The following MTUS2 variants were observed in gnomAD, a reference collection of about 807,000 sequenced individuals.
MTUS2 encodes microtubule associated scaffold protein 2.
MTUS2 carries 40 observed loss-of-function variants against 114.1 expected under a neutral mutation model. That is an observed-to-expected ratio of 0.35 (90% CI 0.27 to 0.46). The LOEUF is 0.46. Ranked by LOEUF, MTUS2 falls within the 20% of genes least tolerant of loss-of-function variation. MTUS2 has a pLI of 1.00. For synonymous variants in MTUS2, 688 were observed against 672.0 expected, an observed-to-expected ratio of 1.02 and a Z score of -0.37; for missense variants, 1,679 against 1,705.4, an observed-to-expected ratio of 0.98 and a Z score of 0.27.
At chr13:29,150,234 C>A (rs574169278) in intron 5 of MTUS2, among the ~76,000 whole-genome samples, 1 of 152,104 alleles carries the variant, frequency 6.6e-6, no homozygotes, top group South Asian at 2.1e-4. Context: ...TCCTTCACTT[C>A]CCTTGTTAGC....
chr13:29,112,649 C>A (rs1179799174), intron 5 of MTUS2, among the ~76,000 whole-genome samples: 1 of 151,874 alleles, frequency 6.6e-6, no homozygotes, highest in Non-Finnish European at 1.5e-5. Context: ...GAGAAAGATC[C>A]AGTAACCAGG....
rs1208728910 is a variant in MTUS2 at position 28,880,712 on chromosome 13, C to T, written c.-243+40862C>T. ...ATACCAGATTTTGTTTTTCCATGTA[C>T]ATATTATTTTCCTTTTATTAAGTGT... On this transcript the variant is annotated intron_variant, in intron 2 of 15. Coordinates refer to ENST00000612955, the MANE Select transcript of MTUS2 (RefSeq NM_001033602.4). Among the ~76,000 whole-genome samples the T allele has an allele frequency of 3.8e-4, 58 of 152,060 alleles. 2 individuals carry two copies. The highest frequency in any genetic ancestry group is 3.7e-3 in the Admixed American group (57 of 15,256).
intron 4 of MTUS2, among the ~76,000 whole-genome samples, chr13:29,096,253 A>G (rs1593471586): frequency 6.6e-6 from 1 of 152,284 alleles, no homozygotes; most frequent in Non-Finnish European, 1.5e-5. Flanking sequence ...CAATCACACT[A>G]AGAATGTTTT....
intron 5 of MTUS2, among the ~76,000 whole-genome samples, chr13:29,134,480 A>G (rs914889509): frequency 2.0e-5 from 3 of 152,186 alleles, no homozygotes; most frequent in South Asian, 4.1e-4. Context: ...GTCTCCAACT[A>G]TTACTATAGA....
At chr13:29,017,722 A>G (rs2138446310) in intron 2 of MTUS2, among the ~76,000 whole-genome samples, 1 of 151,614 alleles carries the variant, frequency 6.6e-6, no homozygotes, top group East Asian at 1.9e-4. Flanking sequence ...AAAAACTCAC[A>G]TTGTAGTGAA....
intron 2 of MTUS2, among the ~76,000 whole-genome samples, chr13:28,898,861 G>A (rs1170479021): frequency 2.0e-5 from 3 of 152,134 alleles, no homozygotes; most frequent in African/African-American, 7.2e-5. Flanking sequence ...ATCATCTTTA[G>A]TTAAATGTGT....
At chr13:28,884,962 C>CTG (rs145175755) in intron 2 of MTUS2, among the ~76,000 whole-genome samples, 6,639 of 151,158 alleles carry the variant, frequency 0.044, 422 homozygotes, top group African/African-American at 0.14. Flanking sequence ...GCGTCCTCAC[C>CTG]TGTGTGTGTG....
chr13:29,178,586 G>T (rs888859188), intron 5 of MTUS2, among the ~76,000 whole-genome samples: 3 of 151,960 alleles, frequency 2.0e-5, no homozygotes, highest in African/African-American at 7.3e-5. Flanking sequence ...CAGCCCAGTT[G>T]TGACAGTCAA....
chr13:29,501,127 A>G lies in MTUS2; in HGVS notation c.3829A>G (p.Ile1277Val), dbSNP rs1332790858. 8.7e-6 allele frequency: 14 copies of G among 1,614,142 alleles called. No homozygotes were observed. The highest frequency in any genetic ancestry group is 1.2e-5 in the Non-Finnish European group (14 of 1,179,998). The change falls in exon 15 of 16, where the codon ATC becomes GTC. Residue 1277 changes from isoleucine to valine, a missense_variant. By Grantham distance (29) the Ile-to-Val change is conservative (BLOSUM62 3). Transcript: ENST00000612955. ...AAAGAACATTATCCTAGAAGAAAAG[A>G]TCCAGGTTCTCCAACAGCAGAACGA... ...AEKNIILEEK[I>V]QVLQQQNEDL... is the part of the protein sequence containing the mutation.
intron 5 of MTUS2, among the ~76,000 whole-genome samples, chr13:29,216,976 T>C (rs1343547647): frequency 6.6e-6 from 1 of 152,226 alleles, no homozygotes; most frequent in African/African-American, 2.4e-5. Context: ...GTATGAGCTA[T>C]TTTAAACAGA....
intron 9 of MTUS2, among the ~76,000 whole-genome samples, chr13:29,453,482 A>T (rs1878885917): frequency 6.6e-6 from 1 of 152,300 alleles, no homozygotes; most frequent in Middle Eastern, 3.4e-3. Flanking sequence ...ATGCCTGTGT[A>T]TTGGAGAGAC....
chr13:28,908,552 T>C (rs1042414115), intron 2 of MTUS2, among the ~76,000 whole-genome samples: 5 of 151,536 alleles, frequency 3.3e-5, no homozygotes, highest in African/African-American at 4.9e-5. Flanking sequence ...TGTTGGACAT[T>C]TGGGTTGGTT....
At chr13:29,428,826 C>T (rs369235681) in intron 8 of MTUS2, 1 of 1,613,700 alleles carries the variant, frequency 6.2e-7, no homozygotes, top group Middle Eastern at 1.6e-4. Flanking sequence ...GGTCCCCTTG[C>T]CAGCCAGCCT....
chr13:28,947,725 A>C (rs1882607478), intron 2 of MTUS2, among the ~76,000 whole-genome samples: 2 of 152,246 alleles, frequency 1.3e-5, no homozygotes, highest in African/African-American at 4.8e-5. Flanking sequence ...GTTAATTCAC[A>C]TTTAAAATGT....
chr13:29,473,361 A>T (rs1880454886), intron 9 of MTUS2, among the ~76,000 whole-genome samples: 1 of 152,342 alleles, frequency 6.6e-6, no homozygotes, highest in Admixed American at 6.5e-5. Context: ...TAAAGTTACA[A>T]TTATGCAGAA....
At chr13:29,223,900 C>G (rs374720336) in intron 5 of MTUS2, among the ~76,000 whole-genome samples, 95 of 152,370 alleles carry the variant, frequency 6.2e-4, no homozygotes, top group African/African-American at 2.1e-3. Flanking sequence ...GCCATGAAAG[C>G]TGCTTGTGGT....
chr13:29,430,371 T>G (rs1254461399), intron 8 of MTUS2, among the ~76,000 whole-genome samples: 1 of 152,194 alleles, frequency 6.6e-6, no homozygotes, highest in Admixed American at 6.5e-5. Flanking sequence ...TTGAAAATGA[T>G]TATCCCTATG....
At chr13:29,126,991 A>G (rs1165044335) in intron 5 of MTUS2, among the ~76,000 whole-genome samples, 2 of 152,164 alleles carry the variant, frequency 1.3e-5, no homozygotes, top group Admixed American at 6.5e-5. Flanking sequence ...TGCTCTGATC[A>G]CCAGCCTCTG....
chr13:29,093,077 T>C (rs1287589021), intron 4 of MTUS2, among the ~76,000 whole-genome samples: 1 of 152,120 alleles, frequency 6.6e-6, no homozygotes, highest in Middle Eastern at 3.2e-3. Context: ...TTCCCCGATA[T>C]GGGGCCAAAG....
Sources: gnomAD v4.1 joint callset for allele counts (sites outside exome capture counted in the v4.1 genomes callset) on GRCh38, gnomAD v4.1.1 for gene constraint, MANE v1.5 for transcripts, NCBI Gene and HGNC (gene_info 2026-07-23, HGNC 2026-07-21) for gene names.